Variants in MYH6 observed in about 807,000 individuals in gnomAD.
MYH6 encodes the protein myosin heavy chain 6.
MYH6 carries 126 observed loss-of-function variants against 223.2 expected under a neutral mutation model. The observed-to-expected ratio is 0.56, with a 90% confidence interval of 0.49 to 0.65. The LOEUF (loss-of-function observed/expected upper bound fraction) is 0.65. Among genes scored for constraint, MYH6 ranks in the 30% least tolerant of loss-of-function variants. The pLI, the probability that MYH6 is intolerant of heterozygous loss-of-function variation, is 0.00. For missense variants in MYH6, 2,040 were observed against 2,536.4 expected (o/e 0.80, Z 4.20); for synonymous variants, 978 against 1,010.2 (o/e 0.97, Z 0.61).
chr14:23,387,987 C>A, intron 30 of MYH6, 64 bp from the exon 31 acceptor site: 1 of 1,607,850 alleles, frequency 6.2e-7, no homozygotes, highest in Non-Finnish European at 8.5e-7. Flanking sequence ...TCCTGCTTCC[C>A]AGTGCCCCAG....
chr14:23,390,027 G>A (rs1891182559), intron 26 of MYH6, 30 bp downstream of exon 26: 3 of 1,613,498 alleles, frequency 1.9e-6, no homozygotes, highest in Admixed American at 1.7e-5. Flanking sequence ...GTGCAGGGGA[G>A]AGGGCGAGGG....
At chr14:23,393,144 A>G in intron 23 of MYH6, 87 bp from the exon 24 acceptor site, 1 of 1,572,594 alleles carries the variant, frequency 6.4e-7, no homozygotes, top group Non-Finnish European at 8.7e-7. Context: ...CTTGAAGTCC[A>G]GTGGGATTGG....
At chr14:23,402,854 AG>A (rs1891650438) in intron 10 of MYH6, 54 bp from the exon 11 acceptor site, 2 of 595,954 alleles carry the variant, frequency 3.4e-6, no homozygotes, top group Non-Finnish European at 5.1e-6. Context: ...AGGGCAGGGA[AG>A]GGGCAGGTAG....
intron 20 of MYH6, among the ~76,000 whole-genome samples, chr14:23,395,532 C>CA (rs1891365347): frequency 6.7e-6 from 1 of 148,576 alleles, no homozygotes; most frequent in Non-Finnish European, 1.5e-5. Flanking sequence ...AGCTGTTCAA[C>CA]TTTTTTTTTT....
At chr14:23,403,472 C>T (rs766412039) in intron 9 of MYH6, 26 bp from the exon 10 acceptor site, 1 of 1,590,276 alleles carries the variant, frequency 6.3e-7, no homozygotes, top group South Asian at 1.1e-5. Context: ...GGGAGGAAGG[C>T]AGGTGAGGAA....
At chr14:23,400,206 T>C in intron 14 of MYH6, 50 bp downstream of exon 14, 1 of 1,613,608 alleles carries the variant, frequency 6.2e-7, no homozygotes, top group Non-Finnish European at 8.5e-7. Flanking sequence ...AGCCACCACT[T>C]TGTCTGGATG....
chr14:23,394,367 A>T lies in MYH6; in HGVS notation c.2430-44T>A, dbSNP rs764895168. On this transcript the variant is annotated intron_variant, in intron 20 of 38. Coordinates refer to ENST00000405093, the MANE Select transcript of MYH6 (RefSeq NM_002471.4). ...GGCAGGGTGGGGCACTATAAAAGAG[A>T]GCTTCCCAATCATGGGCCCTACTAA... 17 of 1,612,468 alleles carry T rather than the reference A, an allele frequency of 1.1e-5. No individual in the cohort carries two copies. In the African/African-American group the frequency reaches 1.7e-4, roughly 16 times the overall value.
chr14:23,394,870 CTTTA>C (rs1381013522), intron 20 of MYH6, among the ~76,000 whole-genome samples: 1 of 152,106 alleles, frequency 6.6e-6, no homozygotes, highest in Non-Finnish European at 1.5e-5. Context: ...TTTTATTTTA[CTTTA>C]TTTATTTTGA....
At chr14:23,396,646 C>G (rs1891403920) in intron 19 of MYH6, 48 bp downstream of exon 19, 1 of 1,613,838 alleles carries the variant, frequency 6.2e-7, no homozygotes, top group African/African-American at 1.3e-5. Context: ...CTGCTCCACT[C>G]AACATGGCCA....
chr14:23,392,394 T>C (rs1259418412), intron 25 of MYH6, among the ~76,000 whole-genome samples, 168 bp downstream of exon 25: 1 of 152,078 alleles, frequency 6.6e-6, no homozygotes, highest in Non-Finnish European at 1.5e-5. Flanking sequence ...GTATTCTTGC[T>C]CTATGGGGGA....
rs552954303 is a variant in MYH6, at chr14:23,387,624, C to A, written c.4555G>T (p.Gly1519Ter). The A allele has an allele frequency of 6.2e-7, 1 of 1,614,102 alleles. No homozygotes were observed. The highest frequency in any genetic ancestry group is 1.3e-5 in the African/African-American group (1 of 75,002). Reference protein sequence around the residue: ...EEISDLTEQLGEGGKNVHELE... With the variant: ...EEISDLTEQL ...TCATGCACATTCTTTCCTCCTTCTCCTAGCTGCTCAGTAAGGTCCGAGATT... is the reference window on the plus strand; with the variant it reads ...TCATGCACATTCTTTCCTCCTTCTCATAGCTGCTCAGTAAGGTCCGAGATT... Residue 1519 changes from glycine to a stop codon, truncating the protein, a stop_gained, in exon 32 of 39, where the codon GGA (glycine) becomes TGA (stop). Coordinates refer to ENST00000405093, the MANE Select transcript of MYH6 (RefSeq NM_002471.4). LOFTEE classifies it high-confidence loss of function.
rs397516772 is a variant in MYH6, at chr14:23,405,240, T to C, written c.485A>G (p.Tyr162Cys). ...PHIFSISDNA[Y>C]QYMLTDRENQ... ...AGGCTCACCTGTCAGCATGTACTGA[T>C]AGGCGTTGTCGGAGATGGAGAAGAT... is the stretch of plus-strand genomic sequence containing the variant. Residue 162 changes from tyrosine to cysteine, a missense_variant, in exon 5 of 39, where the codon TAT becomes TGT. By Grantham distance (194) the Tyr-to-Cys change is radical. Transcript: ENST00000405093. This position sits in a 1 kb window ranked among gnomAD's most constrained non-coding sequence, Gnocchi z 4.7. The C allele has an allele frequency of 5.0e-6, 8 of 1,613,990 alleles. No individual in the cohort carries two copies. In the African/African-American group the frequency reaches 8.0e-5, roughly 16 times the overall value.
intron 10 of MYH6, among the ~76,000 whole-genome samples, 198 bp from the exon 11 acceptor site, chr14:23,402,998 A>G (rs1891656290): frequency 1.3e-5 from 2 of 151,882 alleles, no homozygotes; most frequent in South Asian, 4.2e-4. Context: ...AAAGGGTAGA[A>G]GAGGGGCCCT....
intron 29 of MYH6, 52 bp downstream of exon 29, chr14:23,388,807 C>T: frequency 6.2e-7 from 1 of 1,613,752 alleles, no homozygotes; most frequent in East Asian, 2.2e-5. Flanking sequence ...ACCCCAGGTC[C>T]TCTCGCCCCT....
In MYH6 at chr14:23,386,055, C is replaced by A. The variant is rs483352719; in HGVS notation, c.5036G>T (p.Arg1679Leu). 1 of 1,614,204 alleles carries A rather than the reference C, an allele frequency of 6.2e-7. No homozygotes were observed. The highest frequency in any genetic ancestry group is 8.5e-7 in the Non-Finnish European group (1 of 1,180,036). Residue 1679 changes from arginine to leucine, a missense_variant, in exon 34 of 39, where the codon CGC becomes CTC. Arg to Leu is a moderately radical substitution (Grantham distance 102). Transcript: ENST00000405093. ...CAGCTCAGCCTGCAGCAGGTTGTTGCGCCGCTCCACGATGGCGATGTTCTC... is the reference window on the plus strand; with the variant it reads ...CAGCTCAGCCTGCAGCAGGTTGTTGAGCCGCTCCACGATGGCGATGTTCTC... Reference protein sequence around the residue: ...LKENIAIVERRNNLLQAELEE... With the variant: ...LKENIAIVERLNNLLQAELEE...
intron 20 of MYH6, 125 bp downstream of exon 20, chr14:23,396,159 G>C: frequency 8.6e-7 from 1 of 1,166,498 alleles, no homozygotes; most frequent in South Asian, 1.3e-5. Flanking sequence ...GAGATTCGAA[G>C]TGGTAAAGTA....
At position 23,393,056 on chromosome 14, in the gene MYH6, A is replaced by T. The variant is rs1188592396; in HGVS notation, c.3107T>A (p.Leu1036Gln). The T allele has an allele frequency of 6.2e-7, 1 of 1,614,110 alleles. No homozygotes were observed. Residue 1036 changes from leucine to glutamine, a missense_variant and splice_region_variant, in exon 24 of 39, where the codon CTG (leucine) becomes CAG (glutamine). By Grantham distance (113) the Leu-to-Gln change is moderately radical. This residue lies in a region of MYH6 where 1,203 missense variants were observed against 1,400.2 expected (regional missense o/e 0.86). Coordinates refer to ENST00000405093, the MANE Select transcript of MYH6 (RefSeq NM_002471.4). ...CTTCTCTTGCTCTAGGGATCCCTCC[A>T]GCTGTTGGAGGGAAGAAAATAAGCA... The part of the protein sequence containing the change: ...KVKLEQQVDD[L>Q]EGSLEQEKKV...
Position 23,403,564 on chromosome 14 carries a change from GAGA to G in MYH6, c.800-121_800-119del, listed in dbSNP as rs1441123107. The G allele has an allele frequency of 2.6e-6, 3 of 1,161,528 alleles. No homozygotes were observed. In the East Asian group the frequency reaches 7.1e-5, roughly 27 times the overall value. The allele number at this position is 1,161,528 out of a possible 1,614,324, so 72.0% of individuals were successfully genotyped here. ...CACAGCTTGATGAAGAGGGCCAGGCGAGAAGATGTGGCTTAAATAAAAAGGATC... is the reference window on the plus strand; with the variant it reads ...CACAGCTTGATGAAGAGGGCCAGGCGAGATGTGGCTTAAATAAAAAGGATC... On this transcript the variant is annotated intron_variant, in intron 9 of 38. Coordinates refer to ENST00000405093, the MANE Select transcript of MYH6 (RefSeq NM_002471.4).
chr14:23,382,435 C>T lies in MYH6; in HGVS notation c.5789G>A (p.Gly1930Asp), dbSNP rs776405542. The T allele has an allele frequency of 1.2e-6, 2 of 1,614,164 alleles. No individual in the cohort carries two copies. Among genetic ancestry groups the T allele is most frequent in the Non-Finnish European group, 1.7e-6 (2 of 1,180,036 alleles). The part of the protein sequence containing the change: ...NKLRAKSRDI[G>D]AKQKMHDEE ...CCCAGGGGAGGGACCCACCTTGGCACCAATGTCACGGCTCTTGGCTCGAAG... is the reference window on the plus strand; with the variant it reads ...CCCAGGGGAGGGACCCACCTTGGCATCAATGTCACGGCTCTTGGCTCGAAG... Residue 1930 changes from glycine to aspartate, a missense_variant, in exon 38 of 39, where the codon GGT becomes GAT. Around this residue, in one of 4 missense-constraint regions of MYH6, gnomAD observed 1,203 missense variants for 1,400.2 expected, o/e 0.86. Transcript: ENST00000405093.
Sources: allele counts gnomAD v4.1 joint callset (sites outside exome capture counted in the v4.1 genomes callset), GRCh38; gene constraint gnomAD v4.1.1; regional missense constraint gnomAD v4.1.1; non-coding constraint Gnocchi (gnomAD v3.1); transcripts MANE v1.5; gene names NCBI Gene and HGNC (gene_info 2026-07-23, HGNC 2026-07-21).